PPCS: variants seen among roughly 807,000 people sequenced by gnomAD.
The protein encoded by PPCS is phosphopantothenoylcysteine synthetase, also known as phosphopantothenate--cysteine ligase.
Under a neutral mutation model 24.6 loss-of-function variants are expected in PPCS, and 17 were observed. That is an observed-to-expected ratio of 0.69 (90% confidence interval 0.47 to 1.04). The LOEUF is 1.04. Among genes scored for constraint, PPCS ranks in the 50% least tolerant of loss-of-function variants. The pLI is 0.00. For synonymous variants in PPCS, 190 were observed against 168.3 expected (o/e 1.13, Z -1.00); for missense variants, 360 against 402.8 (o/e 0.89, Z 0.91).
rs945409791 is a variant in PPCS at position 42,460,007 on chromosome 1, T to C, written c.*81T>C. 6.7e-7 allele frequency: 1 copy of C among 1,484,442 alleles called. No homozygotes were observed. The highest frequency in any genetic ancestry group is 8.9e-7 in the Non-Finnish European group (1 of 1,125,152). 92.0% of individuals were successfully genotyped at this position (1,484,442 alleles called of 1,614,324 possible). On this transcript the variant is annotated 3_prime_UTR_variant, in exon 3 of 3. Transcript: ENST00000372561. ...ACTACAAAAAAAACCATGGCTTTCATATGGACAGATAAAATGAAAGAAAGG... is the reference window on the plus strand; with the variant it reads ...ACTACAAAAAAAACCATGGCTTTCACATGGACAGATAAAATGAAAGAAAGG...
intron 2 of PPCS, among the ~76,000 whole-genome samples, chr1:42,466,291 C>G (rs1214533804): frequency 6.6e-6 from 1 of 152,100 alleles, no homozygotes; most frequent in Admixed American, 6.5e-5. Context: ...AAGATAGGGT[C>G]CTGGCCCCTG....
chr1:42,471,360 A>G (rs112086484), intron 2 of PPCS, among the ~76,000 whole-genome samples: 9 of 152,288 alleles, frequency 5.9e-5, no homozygotes, highest in African/African-American at 1.9e-4. Context: ...GACTTATAAT[A>G]ATTTAAGCAT....
chr1:42,456,711 T>G lies in PPCS; in HGVS notation c.146T>G (p.Leu49Arg). ...ACGTCAGGCGGCACCAAGGTCCCACTGGAAGCGCGGCCGGTGCGCTTCCTG... is the reference window on the plus strand; with the variant it reads ...ACGTCAGGCGGCACCAAGGTCCCACGGGAAGCGCGGCCGGTGCGCTTCCTG... ...LVTSGGTKVP[L>R]EARPVRFLDN... Residue 49 changes from leucine (L) to arginine (R), a missense_variant, in exon 1 of 3, where the codon CTG becomes CGG. By Grantham distance (102) the Leu-to-Arg change is moderately radical. Coordinates refer to ENST00000372561, the MANE Select transcript of PPCS (RefSeq NM_024664.4). The G allele has an allele frequency of 1.2e-6, 2 of 1,608,888 alleles. No homozygotes were observed. The highest frequency in any genetic ancestry group is 1.7e-6 in the Non-Finnish European group (2 of 1,179,252).
chr1:42,458,726 C>T (rs1325780902), intron 2 of PPCS, among the ~76,000 whole-genome samples: 1 of 152,120 alleles, frequency 6.6e-6, no homozygotes, highest in Non-Finnish European at 1.5e-5. Context: ...TAGTTTATCC[C>T]ACAGTTTTTA....
chr1:42,462,737 C>T (rs1643444626), downstream of PPCS, among the ~76,000 whole-genome samples: 1 of 152,146 alleles, frequency 6.6e-6, no homozygotes, highest in Admixed American at 6.5e-5. Flanking sequence ...GGGAAGATAA[C>T]GTTCATCTTA....
chr1:42,469,591 A>T (rs1418478279), intron 2 of PPCS, among the ~76,000 whole-genome samples: 1 of 152,144 alleles, frequency 6.6e-6, no homozygotes, highest in Non-Finnish European at 1.5e-5. Flanking sequence ...GAGATAAGGA[A>T]CATACAGAAA....
In PPCS at chr1:42,459,970, G is replaced by A. The variant is rs750031368; in HGVS notation, c.*44G>A. On this transcript the variant is annotated 3_prime_UTR_variant, in exon 3 of 3. Transcript: ENST00000372561. ...GATCAAAAATTGTTCAGGGCTCTTA[G>A]AGATGGTGAAAACTACAAAAAAAAC... 101 of 1,532,482 alleles carry A rather than the reference G, an allele frequency of 6.6e-5. No individual in the cohort carries two copies. In the Middle Eastern group the frequency reaches 9.4e-4, roughly 14 times the overall value. The allele number at this position is 1,532,482 out of a possible 1,614,324, so 94.9% of individuals were successfully genotyped here.
chr1:42,472,117 G>A (rs964641243), intron 2 of PPCS, among the ~76,000 whole-genome samples: 1 of 152,044 alleles, frequency 6.6e-6, no homozygotes, highest in African/African-American at 2.4e-5. Flanking sequence ...AGCCAGGTGT[G>A]GTGGCACACA....
intron 2 of PPCS, among the ~76,000 whole-genome samples, chr1:42,457,806 T>C (rs576497280): frequency 1.3e-5 from 2 of 151,762 alleles, no homozygotes; most frequent in Admixed American, 1.3e-4. Context: ...AATACAAAAA[T>C]TAGCCGGGCG....
chr1:42,461,483 GTGCCACCA>G (rs776714210), downstream of PPCS, among the ~76,000 whole-genome samples: 6 of 151,926 alleles, frequency 3.9e-5, no homozygotes, highest in Non-Finnish European at 7.4e-5. Context: ...CTACAGGTGT[GTGCCACCA>G]TGCCTGGCTA....
chr1:42,457,031 T>C lies in PPCS; in HGVS notation c.466T>C (p.Leu156=). Residue 156 remains leucine (L), a synonymous_variant, in exon 1 of 3, where the codon TTG becomes CTG. Coordinates refer to ENST00000372561, the MANE Select transcript of PPCS (RefSeq NM_024664.4). ...AGAGTTCACCACTTTGGCGGACTAT[T>C]TGCATCTGTTGCAGGCTGCGGCCCA... ...AVEFTTLADY[L]HLLQAAAQAL... The C allele has an allele frequency of 6.2e-7, 1 of 1,601,460 alleles. No homozygotes were observed. The highest frequency in any genetic ancestry group is 1.1e-5 in the South Asian group (1 of 90,984).
intron 2 of PPCS, among the ~76,000 whole-genome samples, chr1:42,469,204 C>G (rs1052755789): frequency 2.0e-5 from 3 of 151,940 alleles, no homozygotes; most frequent in Non-Finnish European, 4.4e-5. Context: ...CATATAAGAC[C>G]CTCGTCTCTA....
chr1:42,456,997 C>T lies in PPCS; in HGVS notation c.432C>T (p.Phe144=), dbSNP rs750953824. ...AGGAGGCTGCGGCTGCAGGCACCTT[C>T]CTGGCAGTAGAGTTCACCACTTTGG... ...SYQEAAAAGT[F]LAVEFTTLAD... The change falls in exon 1 of 3, where the codon TTC becomes TTT. Residue 144 remains phenylalanine (F), a synonymous_variant. Coordinates refer to ENST00000372561, the MANE Select transcript of PPCS (RefSeq NM_024664.4). 1.0e-5 allele frequency: 16 copies of T among 1,602,234 alleles called. No individual in the cohort carries two copies. In the East Asian group the frequency reaches 3.6e-4, roughly 36 times the overall value.
Position 42,457,046 on chromosome 1 carries a change from G to A in PPCS, c.481G>A (p.Ala161Thr). 1.3e-6 allele frequency: 2 copies of A among 1,599,924 alleles called. No individual in the cohort carries two copies. Among genetic ancestry groups the A allele is most frequent in the Middle Eastern group, 3.3e-4 (2 of 6,050 alleles). The part of the protein sequence containing the change: ...TLADYLHLLQ[A>T]AAQALNPLGP... ...GGCGGACTATTTGCATCTGTTGCAGGCTGCGGCCCAGGCACTCAATCCGCT... is the reference window on the plus strand; with the variant it reads ...GGCGGACTATTTGCATCTGTTGCAGACTGCGGCCCAGGCACTCAATCCGCT... Residue 161 changes from alanine (A) to threonine (T), a missense_variant, in exon 1 of 3, where the codon GCT becomes ACT. Ala to Thr is a moderately conservative substitution (Grantham distance 58). Around this residue, in one of 2 missense-constraint regions of PPCS, gnomAD observed 244 missense variants for 234.7 expected, o/e 1.04. Transcript: ENST00000372561.
intron 2 of PPCS, among the ~76,000 whole-genome samples, chr1:42,469,678 A>G (rs1643703923): frequency 6.6e-6 from 1 of 152,148 alleles, no homozygotes; most frequent in African/African-American, 2.4e-5. Flanking sequence ...GATCAGGAGG[A>G]TGGGAAGCTC....
downstream of PPCS, among the ~76,000 whole-genome samples, chr1:42,464,982 C>T (rs1569651667): frequency 6.6e-6 from 1 of 152,168 alleles, no homozygotes; most frequent in Non-Finnish European, 1.5e-5. Flanking sequence ...CAATCTTGCA[C>T]ATTAAATTGG....
downstream of PPCS, among the ~76,000 whole-genome samples, chr1:42,462,125 C>G (rs1219867508): frequency 1.4e-5 from 2 of 141,948 alleles, no homozygotes; most frequent in South Asian, 4.2e-4. Flanking sequence ...TAAAAACAAT[C>G]AGTGTTCTAC....
chr1:42,462,539 G>A (rs1643439530), downstream of PPCS, among the ~76,000 whole-genome samples: 1 of 152,160 alleles, frequency 6.6e-6, no homozygotes, highest in Non-Finnish European at 1.5e-5. Context: ...ATTCTCTTGG[G>A]GAACTAGAGT....
rs773312380 is a variant in PPCS, at chr1:42,456,933, A to G, written c.368A>G (p.Asn123Ser). 8.7e-6 allele frequency: 14 copies of G among 1,608,202 alleles called. No individual in the cohort carries two copies. Among genetic ancestry groups the G allele is most frequent in the South Asian group, 5.5e-5 (5 of 91,092 alleles). ...TTGCTGAGCCTGGAGGCCGAGGAGA[A>G]TGCACTTCCGGGTTTTGCTGAGGCT... ...SGLLSLEAEE[N>S]ALPGFAEALR... is the part of the protein sequence containing the mutation. Residue 123 changes from asparagine (N) to serine (S), a missense_variant, in exon 1 of 3, where the codon AAT becomes AGT. This residue lies in a region of PPCS where 244 missense variants were observed against 234.7 expected (regional missense o/e 1.04). Coordinates refer to ENST00000372561, the MANE Select transcript of PPCS (RefSeq NM_024664.4).
Sources: gnomAD v4.1 joint callset for allele counts (sites outside exome capture counted in the v4.1 genomes callset) on GRCh38, gnomAD v4.1.1 for gene constraint, gnomAD v4.1.1 regional missense constraint, MANE v1.5 for transcripts, NCBI Gene and HGNC (gene_info 2026-07-23, HGNC 2026-07-21) for gene names.